FSTL5: variants seen among roughly 807,000 people sequenced by gnomAD.
The protein encoded by FSTL5 is follistatin-related protein 5.
A neutral mutation model predicts 89.1 loss-of-function variants in FSTL5; 62 were observed. The observed-to-expected ratio is 0.70, with a 90% CI of 0.57 to 0.86. The LOEUF is 0.86. Among genes scored for constraint, FSTL5 ranks in the 40% least tolerant of loss-of-function variants. FSTL5 has a pLI of 0.00. For synonymous variants in FSTL5, 383 were observed against 346.2 expected (o/e 1.11, Z -1.18); for missense variants, 1,057 against 1,001.6 (o/e 1.06, Z -0.75).
chr4:161,991,340 A>C (rs1333120963), intron 3 of FSTL5, among the ~76,000 whole-genome samples: 1 of 152,122 alleles, frequency 6.6e-6, no homozygotes, highest in African/African-American at 2.4e-5. Context: ...AAAATCACGA[A>C]GTTGTTTGGT....
intron 3 of FSTL5, among the ~76,000 whole-genome samples, chr4:161,925,792 T>G (rs981375325): frequency 6.2e-5 from 4 of 64,824 alleles, no homozygotes; most frequent in Admixed American, 4.8e-4. Flanking sequence ...CAGCTCTTGT[T>G]ATTATTATAA....
At chr4:161,799,648 A>C (rs1419854309) in intron 4 of FSTL5, among the ~76,000 whole-genome samples, 1 of 151,758 alleles carries the variant, frequency 6.6e-6, no homozygotes, top group Non-Finnish European at 1.5e-5. Context: ...AGATAACAAC[A>C]GCCAATTAAA....
chr4:161,444,056 C>G (rs1213287362), intron 15 of FSTL5, among the ~76,000 whole-genome samples: 1 of 151,670 alleles, frequency 6.6e-6, no homozygotes, highest in Non-Finnish European at 1.5e-5. Flanking sequence ...TATTTTCTTT[C>G]CTTGGAGTAT....
At chr4:161,496,650 A>G (rs1369831248) in intron 12 of FSTL5, among the ~76,000 whole-genome samples, 1 of 152,170 alleles carries the variant, frequency 6.6e-6, no homozygotes, top group Non-Finnish European at 1.5e-5. Context: ...TGGACTTAGG[A>G]CTGCAACATC....
chr4:161,828,484 C>T (rs1464853677), intron 4 of FSTL5, among the ~76,000 whole-genome samples: 1 of 152,118 alleles, frequency 6.6e-6, no homozygotes, highest in Non-Finnish European at 1.5e-5. Flanking sequence ...TTCTATCTGC[C>T]ATTTTCCTCT....
At chr4:161,760,534 T>TC (rs1740754940) in intron 5 of FSTL5, among the ~76,000 whole-genome samples, 3 of 152,256 alleles carry the variant, frequency 2.0e-5, no homozygotes, top group South Asian at 4.1e-4. Context: ...ATTTACACTT[T>TC]CCTCAATTAG....
chr4:162,038,031 T>C (rs1354444006), intron 2 of FSTL5, among the ~76,000 whole-genome samples: 1 of 151,944 alleles, frequency 6.6e-6, no homozygotes, highest in Non-Finnish European at 1.5e-5. Context: ...CAGAAACTTT[T>C]GTTGTTCTGT....
chr4:161,965,750 G>A (rs1334705109), intron 3 of FSTL5, among the ~76,000 whole-genome samples: 1 of 152,050 alleles, frequency 6.6e-6, no homozygotes, highest in Non-Finnish European at 1.5e-5. Flanking sequence ...GCTGTGCTGG[G>A]CTGAGGCACT....
chr4:161,470,319 C>T (rs1488216397), intron 13 of FSTL5, among the ~76,000 whole-genome samples: 1 of 152,044 alleles, frequency 6.6e-6, no homozygotes, highest in Admixed American at 6.6e-5. Flanking sequence ...ATGTGGACAT[C>T]CAGTTTTCCC....
Position 161,511,549 on chromosome 4 carries a change from G to C in FSTL5, c.1313-1125C>G, listed in dbSNP as rs1052351962. The stretch of plus-strand genomic sequence containing the variant: ...AAAGTATAACTTTCAATTATGAGAT[G>C]AGTAAGTTCTGAACATGTAATGTAC... On this transcript the variant is annotated intron_variant, in intron 10 of 15. Transcript: ENST00000306100. Among the ~76,000 whole-genome samples the C allele has an allele frequency of 3.9e-5, 6 of 152,058 alleles. No homozygotes were observed. In the South Asian group the frequency reaches 1.2e-3, roughly 31 times the overall value.
chr4:161,603,237 G>T (rs996407870), intron 7 of FSTL5, among the ~76,000 whole-genome samples: 1 of 152,096 alleles, frequency 6.6e-6, no homozygotes, highest in African/African-American at 2.4e-5. Flanking sequence ...AAGTGAATAT[G>T]GCAATAGAGA....
At chr4:162,079,808 T>C (rs985668329) in intron 2 of FSTL5, among the ~76,000 whole-genome samples, 1 of 151,388 alleles carries the variant, frequency 6.6e-6, no homozygotes, top group African/African-American at 2.4e-5. Context: ...AAAGAGCTTT[T>C]GGGATAATAA....
chr4:161,764,942 C>A (rs1283312062), intron 5 of FSTL5, among the ~76,000 whole-genome samples: 1 of 152,146 alleles, frequency 6.6e-6, no homozygotes, highest in African/African-American at 2.4e-5. Context: ...TTTCCAGGTA[C>A]AATTGAAAGT....
intron 3 of FSTL5, among the ~76,000 whole-genome samples, chr4:161,997,829 C>G (rs1339278397): frequency 6.6e-6 from 1 of 152,068 alleles, no homozygotes; most frequent in Non-Finnish European, 1.5e-5. Flanking sequence ...TGGTCTCGAT[C>G]TCCTGACCTC....
intron 3 of FSTL5, among the ~76,000 whole-genome samples, chr4:161,981,923 T>C (rs1215316152): frequency 6.6e-6 from 1 of 152,214 alleles, no homozygotes; most frequent in African/African-American, 2.4e-5. Context: ...ATAACTTTAG[T>C]TACCTCAAAT....
chr4:161,411,987 T>C (rs1731609156), intron 15 of FSTL5, among the ~76,000 whole-genome samples: 1 of 152,178 alleles, frequency 6.6e-6, no homozygotes, highest in African/African-American at 2.4e-5. Flanking sequence ...AAACAACTTA[T>C]TAAGGTTTCA....
chr4:162,010,671 T>G (rs531054084), intron 3 of FSTL5, among the ~76,000 whole-genome samples: 2 of 152,244 alleles, frequency 1.3e-5, no homozygotes, highest in Non-Finnish European at 2.9e-5. Context: ...CCTATTCTGG[T>G]CATTTCATAT....
At chr4:161,625,526 C>T (rs955898451) in intron 7 of FSTL5, among the ~76,000 whole-genome samples, 2 of 152,026 alleles carry the variant, frequency 1.3e-5, no homozygotes, top group African/African-American at 4.8e-5. Flanking sequence ...TGTGCTTCAC[C>T]GACTGGCCAA....
intron 2 of FSTL5, among the ~76,000 whole-genome samples, chr4:162,090,864 A>G (rs546824608): frequency 6.6e-6 from 1 of 151,980 alleles, no homozygotes; most frequent in Non-Finnish European, 1.5e-5. Context: ...AACATTTACC[A>G]ACATCTTTAC....
Sources: gnomAD v4.1 joint callset for allele counts (sites outside exome capture counted in the v4.1 genomes callset) on GRCh38, gnomAD v4.1.1 for gene constraint, MANE v1.5 for transcripts, NCBI Gene and HGNC (gene_info 2026-07-23, HGNC 2026-07-21) for gene names.